The following ECD variants were observed in gnomAD, a reference collection of about 807,000 sequenced individuals.
The protein encoded by ECD is ecdysoneless cell cycle regulator, also known as protein ecdysoneless homolog.
A neutral mutation model predicts 77.2 loss-of-function variants in ECD; 59 were observed. The observed-to-expected ratio is 0.76, with a 90% CI of 0.62 to 0.95. The LOEUF is 0.95. Ranked by LOEUF, ECD falls within the 40% of genes least tolerant of loss-of-function variation. The pLI, the probability that ECD is intolerant of heterozygous loss-of-function variation, is 0.00. For synonymous variants in ECD, 233 were observed against 267.4 expected (o/e 0.87, Z 1.26); for missense variants, 704 against 763.4 (o/e 0.92, Z 0.92).
In ECD at chr10:73,134,571, T is replaced by G. The variant is rs1842955248; in HGVS notation, c.*12A>C. On this transcript the variant is annotated 3_prime_UTR_variant, in exon 14 of 14. Transcript: ENST00000372979. ...TTATTTAAAAAGAAAAAAGAGAAGC[T>G]AAATGTGCTGGTTAATTTTTTGTTG... 6.2e-7 allele frequency: 1 copy of G among 1,606,552 alleles called. No individual in the cohort carries two copies. Among genetic ancestry groups the G allele is most frequent in the Non-Finnish European group, 8.5e-7 (1 of 1,173,902 alleles).
At chr10:73,141,339 TAAAAAA>T (rs749192454) in intron 9 of ECD, 6 of 95,126 alleles carry the variant, frequency 6.3e-5, no homozygotes, top group Non-Finnish European at 8.4e-5. Flanking sequence ...CCGTCTCTAC[TAAAAAA>T]AAAAAAAAAA....
At chr10:73,149,104 C>T (rs184701562) in intron 7 of ECD, among the ~76,000 whole-genome samples, 17 of 152,312 alleles carry the variant, frequency 1.1e-4, no homozygotes, top group African/African-American at 4.1e-4. Flanking sequence ...CATCTTACTT[C>T]ATGGCTAGAG....
intron 7 of ECD, among the ~76,000 whole-genome samples, chr10:73,150,706 T>A (rs536566659): frequency 1.6e-3 from 244 of 152,240 alleles, no homozygotes; most frequent in African/African-American, 5.7e-3. Flanking sequence ...CATCAACAAG[T>A]GGGCAAAGGA....
intron 13 of ECD, among the ~76,000 whole-genome samples, chr10:73,135,360 G>A (rs897537388): frequency 6.6e-6 from 1 of 152,072 alleles, no homozygotes; most frequent in Non-Finnish European, 1.5e-5. Context: ...AGACTTTTAT[G>A]TCCTTGCTAC....
intron 6 of ECD, among the ~76,000 whole-genome samples, chr10:73,153,953 C>CA (rs1843257549): frequency 6.6e-6 from 1 of 151,974 alleles, no homozygotes; most frequent in Admixed American, 6.6e-5. Context: ...ACGATATGCT[C>CA]AAAGTTTTGA....
At chr10:73,145,012 G>A (rs1238427053) in intron 9 of ECD, among the ~76,000 whole-genome samples, 2 of 152,090 alleles carry the variant, frequency 1.3e-5, no homozygotes, top group Non-Finnish European at 2.9e-5. Context: ...CATTATACAT[G>A]TAATCACATG....
At chr10:73,139,609 T>C in intron 10 of ECD, 22 bp downstream of exon 10, 1 of 1,590,886 alleles carries the variant, frequency 6.3e-7, no homozygotes, top group Admixed American at 1.8e-5. Context: ...ACCCTTCCAC[T>C]GTATCCTGGT....
chr10:73,154,641 T>C (rs11000532), intron 5 of ECD, among the ~76,000 whole-genome samples, 193 bp from the exon 6 acceptor site: 23,943 of 151,752 alleles, frequency 0.16, 3,138 homozygotes, highest in African/African-American at 0.34. Flanking sequence ...TAGGAAGAAA[T>C]GGAAAATAAA....
intron 3 of ECD, among the ~76,000 whole-genome samples, chr10:73,158,753 T>C (rs1843335421): frequency 6.6e-6 from 1 of 150,826 alleles, no homozygotes; most frequent in Non-Finnish European, 1.5e-5. Context: ...TAAAATAAAA[T>C]AAAATAGAGC....
intron 3 of ECD, 142 bp from the exon 4 acceptor site, chr10:73,156,797 A>T (rs1843302845): frequency 1.4e-6 from 1 of 695,406 alleles, no homozygotes; most frequent in Non-Finnish European, 2.4e-6. Flanking sequence ...TAAGAAAGCA[A>T]AATATTTAAG....
chr10:73,161,594 C>T lies in ECD; in HGVS notation c.206-1043G>A, dbSNP rs561939058. Among the ~76,000 whole-genome samples the T allele has an allele frequency of 1.0e-3, 153 of 152,210 alleles. 1 individual carries two copies. Among genetic ancestry groups the T allele is most frequent in the Non-Finnish European group, 1.3e-3 (87 of 68,010 alleles). On this transcript the variant is annotated intron_variant, in intron 2 of 13. Transcript: ENST00000372979. ...CCTAACAAAGAAAAGCTGGCTTCACCGGGGAATTCTTCCAAACATTTAAAG... is the reference window on the plus strand; with the variant it reads ...CCTAACAAAGAAAAGCTGGCTTCACTGGGGAATTCTTCCAAACATTTAAAG...
chr10:73,142,339 G>A (rs1232751644), intron 9 of ECD, among the ~76,000 whole-genome samples: 1 of 151,680 alleles, frequency 6.6e-6, no homozygotes, highest in African/African-American at 2.4e-5. Context: ...ACAAAAAAGT[G>A]TATAGGTTTA....
rs1842978428 is a variant in ECD, at chr10:73,136,795, G to A, written c.1613C>T (p.Thr538Ile). Residue 538 changes from threonine (T) to isoleucine (I), a missense_variant, in exon 13 of 14, where the codon ACA (threonine) becomes ATA (isoleucine). Thr to Ile is a moderately conservative substitution (Grantham distance 89, BLOSUM62 -1). This residue lies in a region of ECD where 142 missense variants were observed against 163.6 expected (regional missense o/e 0.87). Coordinates refer to ENST00000372979, the MANE Select transcript of ECD (RefSeq NM_007265.3). ...CATGTATGACTTGAGATTATCAAGT[G>A]TTCCTTTCAGGGAAGCCTCTTCGCC... ...EPGEEASLKG[T>I]LDNLKSYMAQ... The A allele has an allele frequency of 1.2e-6, 2 of 1,614,004 alleles. No individual in the cohort carries two copies. Among genetic ancestry groups the A allele is most frequent in the East Asian group, 2.2e-5 (1 of 44,880 alleles).
rs1011440584 is a variant in ECD, at chr10:73,134,255, T to C, written c.*328A>G. The C allele has an allele frequency of 5.2e-5, 10 of 190,744 alleles. No homozygotes were observed. The highest frequency in any genetic ancestry group is 1.5e-4 in the South Asian group (1 of 6,752). The allele number at this position is 190,744 out of a possible 1,614,324, so 11.8% of individuals were successfully genotyped here. ...CTTGAAATTTTGATCTGAGGATGAA[T>C]AGCAGTAAGGGAGAAATTTAAATAT... On this transcript the variant is annotated 3_prime_UTR_variant, in exon 14 of 14. Transcript: ENST00000372979.
chr10:73,153,584 C>T (rs1843246360), intron 6 of ECD, among the ~76,000 whole-genome samples: 1 of 151,150 alleles, frequency 6.6e-6, no homozygotes, highest in Admixed American at 6.6e-5. Context: ...ATAAAAAAAT[C>T]AGCTGGGCGT....
intron 2 of ECD, among the ~76,000 whole-genome samples, chr10:73,161,440 A>T (rs768897519): frequency 6.6e-6 from 1 of 152,214 alleles, no homozygotes; most frequent in Non-Finnish European, 1.5e-5. Flanking sequence ...GTATACCAGT[A>T]AGTTGGATAA....
chr10:73,152,036 T>A (rs1353867889), intron 7 of ECD, among the ~76,000 whole-genome samples: 1 of 152,214 alleles, frequency 6.6e-6, no homozygotes, highest in Admixed American at 6.5e-5. Flanking sequence ...AATTTTTATG[T>A]TCAAATATTT....
intron 1 of ECD, among the ~76,000 whole-genome samples, chr10:73,164,527 G>C (rs1384223829): frequency 6.6e-6 from 1 of 151,846 alleles, no homozygotes; most frequent in Admixed American, 6.6e-5. Flanking sequence ...GAGTGCAGCG[G>C]CATGATCACA....
intron 3 of ECD, 99 bp downstream of exon 3, chr10:73,160,335 C>G (rs1843359393): frequency 1.3e-6 from 1 of 751,534 alleles, no homozygotes; most frequent in African/African-American, 1.8e-5. Context: ...CAATTTCCAG[C>G]AGACTACAGG....
Sources: gnomAD v4.1 joint callset for allele counts (sites outside exome capture counted in the v4.1 genomes callset) on GRCh38, gnomAD v4.1.1 for gene constraint, gnomAD v4.1.1 regional missense constraint, MANE v1.5 for transcripts, NCBI Gene and HGNC (gene_info 2026-07-23, HGNC 2026-07-21) for gene names.